Variants in SLC28A1 observed in about 807,000 individuals in gnomAD.
SLC28A1 encodes the protein sodium/nucleoside cotransporter 1.
Under a neutral mutation model 74.8 loss-of-function variants are expected in SLC28A1, and 64 were observed. That is an observed-to-expected ratio of 0.86 (90% CI 0.70 to 1.05). SLC28A1 has a LOEUF of 1.05. Among genes scored for constraint, SLC28A1 ranks in the 50% least tolerant of loss-of-function variants. The pLI is 0.00. For synonymous variants in SLC28A1, 359 were observed against 335.0 expected, an observed-to-expected ratio of 1.07 and a Z score of -0.78; for missense variants, 828 against 822.8, an observed-to-expected ratio of 1.01 and a Z score of -0.08.
chr15:84,898,445 G>T (rs149166447), intron 6 of SLC28A1, among the ~76,000 whole-genome samples: 142 of 152,200 alleles, frequency 9.3e-4, no homozygotes, highest in East Asian at 7.9e-3. Context: ...CAGGCGTGGT[G>T]GCGGGCGCCT....
chr15:84,927,180 C>T (rs1970619516), intron 12 of SLC28A1, among the ~76,000 whole-genome samples: 1 of 152,156 alleles, frequency 6.6e-6, no homozygotes, highest in Non-Finnish European at 1.5e-5. Flanking sequence ...CCACCCACCC[C>T]ACCACCAATT....
intron 8 of SLC28A1, among the ~76,000 whole-genome samples, chr15:84,906,442 A>G (rs958676374): frequency 6.6e-6 from 1 of 151,148 alleles, no homozygotes; most frequent in African/African-American, 2.4e-5. Flanking sequence ...CAGCCTCCCC[A>G]GTATTGAGTA....
intron 13 of SLC28A1, 146 bp from the exon 14 acceptor site, chr15:84,934,880 C>A: frequency 2.7e-6 from 2 of 739,638 alleles, no homozygotes; most frequent in Non-Finnish European, 2.4e-6. Flanking sequence ...CTTTGACCAG[C>A]CCCTTTTTCT....
chr15:84,926,748 C>T (rs539701581), intron 12 of SLC28A1, among the ~76,000 whole-genome samples: 54 of 133,382 alleles, frequency 4.0e-4, no homozygotes, highest in African/African-American at 1.6e-3. Context: ...GCCCTGCCTT[C>T]TGGCTCTCTG....
At chr15:84,971,894 G>A in the SLC28A1 span, among the ~76,000 whole-genome samples, 1 of 152,072 alleles carries the variant, frequency 6.6e-6, no homozygotes, top group Non-Finnish European at 1.5e-5. Context: ...AAATCATCCC[G>A]CCTCAGCTTC....
chr15:84,931,394 C>T (rs1971255055), intron 12 of SLC28A1, among the ~76,000 whole-genome samples: 1 of 151,592 alleles, frequency 6.6e-6, no homozygotes, highest in Admixed American at 6.6e-5. Flanking sequence ...CACCTGTAAT[C>T]CCAGCACTTT....
chr15:84,903,957 G>T (rs976661535), intron 6 of SLC28A1, 140 bp from the exon 7 acceptor site: 13 of 1,103,594 alleles, frequency 1.2e-5, no homozygotes, highest in Non-Finnish European at 1.5e-5. Flanking sequence ...TTCCAGAGCT[G>T]GTGCTCTTTC....
the SLC28A1 span, among the ~76,000 whole-genome samples, chr15:84,960,847 ATCTTT>A: frequency 6.6e-6 from 1 of 151,406 alleles, no homozygotes; most frequent in African/African-American, 2.4e-5. Context: ...TGCTTTATAA[ATCTTT>A]TCTTTCTTTC....
At chr15:84,918,374 C>T in intron 9 of SLC28A1, 150 bp from the exon 10 acceptor site, 9 of 733,300 alleles carry the variant, frequency 1.2e-5, no homozygotes, top group Non-Finnish European at 2.2e-5. Flanking sequence ...ACTTCATGCA[C>T]TGATCTCAGA....
At chr15:84,890,784 A>C (rs1965287648) in intron 5 of SLC28A1, among the ~76,000 whole-genome samples, 1 of 152,192 alleles carries the variant, frequency 6.6e-6, no homozygotes, top group African/African-American at 2.4e-5. Context: ...ATCTGGGAAC[A>C]CCAAGGAGGA....
At chr15:84,904,303 A>G (rs1343439460) in intron 7 of SLC28A1, 65 bp downstream of exon 7, 1 of 1,607,078 alleles carries the variant, frequency 6.2e-7, no homozygotes, top group East Asian at 2.2e-5. Flanking sequence ...CCTAGGCTGG[A>G]TCTGGGAGCT....
chr15:84,924,165 G>A, intron 12 of SLC28A1, 55 bp downstream of exon 12: 12 of 1,590,006 alleles, frequency 7.5e-6, no homozygotes, highest in Admixed American at 3.3e-5. Flanking sequence ...GCCCATCTTT[G>A]TGGGAGCCCC....
chr15:84,934,562 C>T (rs555697220), intron 13 of SLC28A1, among the ~76,000 whole-genome samples: 1 of 152,284 alleles, frequency 6.6e-6, no homozygotes, highest in Non-Finnish European at 1.5e-5. Context: ...ACTGGAGCAG[C>T]GCTGTCCCAT....
chr15:84,917,030 AAAAAAAAAAATAAAT>A (rs1294552274), intron 9 of SLC28A1, among the ~76,000 whole-genome samples: 1 of 110,124 alleles, frequency 9.1e-6, no homozygotes, highest in Non-Finnish European at 2.0e-5. Context: ...TCTGTCTCAA[AAAAAAAAAAATAAAT>A]AAAAAAGGTA....
At chr15:84,918,260 A>T (rs990262977) in intron 9 of SLC28A1, among the ~76,000 whole-genome samples, 4 of 152,142 alleles carry the variant, frequency 2.6e-5, no homozygotes, top group African/African-American at 9.7e-5. Context: ...GCACAGGCCT[A>T]CCTGTGCTGA....
chr15:84,948,014 G>GA (rs945672620), downstream of SLC28A1, among the ~76,000 whole-genome samples: 1 of 152,052 alleles, frequency 6.6e-6, no homozygotes, highest in African/African-American at 2.4e-5. Context: ...AAACTGCGTG[G>GA]ACACAGATGC....
At chr15:84,903,596 T>C (rs534101111) in intron 6 of SLC28A1, among the ~76,000 whole-genome samples, 72 of 152,278 alleles carry the variant, frequency 4.7e-4, no homozygotes, top group Middle Eastern at 3.4e-3. Context: ...GTAGGATCCG[T>C]TCCTTGGTCT....
chr15:84,957,361 G>A, the SLC28A1 span, among the ~76,000 whole-genome samples: 1 of 152,150 alleles, frequency 6.6e-6, no homozygotes, highest in African/African-American at 2.4e-5. Context: ...CTGCCTCCTG[G>A]GTTCAAGCGA....
At position 84,908,733 on chromosome 15, in the gene SLC28A1, A is replaced by C. The variant is rs752204599; in HGVS notation, c.733A>C (p.Thr245Pro). ...TTTCTTTCAGATCTTCCTGAGCTAC[A>C]CGAAGGCTGGCTCCAGCTTCGTGTT... ...GEQIRIFLSY[T>P]KAGSSFVFGE... Residue 245 changes from threonine to proline, a missense_variant, in exon 9 of 19, where the codon ACG (threonine) becomes CCG (proline). Around this residue, in one of 3 missense-constraint regions of SLC28A1, gnomAD observed 767 missense variants for 753.5 expected, o/e 1.02. Coordinates refer to ENST00000394573, the MANE Select transcript of SLC28A1 (RefSeq NM_004213.5). 11 of 1,613,834 alleles carry C rather than the reference A, an allele frequency of 6.8e-6. No homozygotes were observed. The highest frequency in any genetic ancestry group is 9.3e-6 in the Non-Finnish European group (11 of 1,179,978).
Sources: allele counts gnomAD v4.1 joint callset (sites outside exome capture counted in the v4.1 genomes callset), GRCh38; gene constraint gnomAD v4.1.1; regional missense constraint gnomAD v4.1.1; transcripts MANE v1.5; gene names NCBI Gene and HGNC (gene_info 2026-07-23, HGNC 2026-07-21).